Variants in ARHGAP17 observed in about 807,000 individuals in gnomAD.
ARHGAP17 encodes Rho GTPase activating protein 17.
A neutral mutation model predicts 99.5 loss-of-function variants in ARHGAP17; 57 were observed. The ratio of observed to expected loss-of-function variants is 0.57; its 90% CI spans 0.46 to 0.71. The LOEUF (loss-of-function observed/expected upper bound fraction) is 0.71. Among genes scored for constraint, ARHGAP17 ranks in the 30% least tolerant of loss-of-function variants. The pLI is 0.00. For synonymous variants in ARHGAP17, 417 were observed against 429.6 expected (o/e 0.97, Z 0.36); for missense variants, 1,000 against 1,122.4 (o/e 0.89, Z 1.56).
chr16:24,998,383 G>A (rs185368925), intron 1 of ARHGAP17, among the ~76,000 whole-genome samples: 283 of 152,100 alleles, frequency 1.9e-3, no homozygotes, highest in Non-Finnish European at 2.3e-3. Flanking sequence ...CCAGGACAGC[G>A]GCACAGGTGG....
chr16:24,954,411 T>C (rs2051741873), intron 10 of ARHGAP17, among the ~76,000 whole-genome samples, 192 bp downstream of exon 10: 2 of 152,222 alleles, frequency 1.3e-5, no homozygotes, highest in Admixed American at 1.3e-4. Context: ...CAGATAGGTA[T>C]CATAGGGAAC....
At chr16:25,005,717 C>T (rs527861437) in intron 1 of ARHGAP17, among the ~76,000 whole-genome samples, 87 of 152,168 alleles carry the variant, frequency 5.7e-4, no homozygotes, top group Non-Finnish European at 9.4e-4. Context: ...AGAGAAAACT[C>T]ATATAAAGAA....
At chr16:24,983,746 C>T (rs2052772667) in intron 1 of ARHGAP17, among the ~76,000 whole-genome samples, 1 of 152,156 alleles carries the variant, frequency 6.6e-6, no homozygotes, top group Non-Finnish European at 1.5e-5. Flanking sequence ...AAAAACAATA[C>T]GAATCAGGAA....
Position 24,968,658 on chromosome 16 carries a change from C to T in ARHGAP17, c.384+3G>A. The T allele has an allele frequency of 6.2e-7, 1 of 1,614,124 alleles. No individual in the cohort carries two copies. Among genetic ancestry groups the T allele is most frequent in the Non-Finnish European group, 8.5e-7 (1 of 1,179,956 alleles). ...CTTCCGTGCTGCACGGTGAAGCACC[C>T]ACCTCAGCTATGCCGTACAGAGGGT... On this transcript the variant is annotated splice_donor_region_variant and intron_variant, in intron 5 of 19. Coordinates refer to ENST00000289968, the MANE Select transcript of ARHGAP17 (RefSeq NM_001006634.3).
intron 1 of ARHGAP17, among the ~76,000 whole-genome samples, chr16:24,995,444 A>G (rs1415409233): frequency 6.6e-6 from 1 of 152,218 alleles, no homozygotes; most frequent in Non-Finnish European, 1.5e-5. Flanking sequence ...GTCAGGGAGA[A>G]GAGAGGGAAG....
At chr16:24,965,266 C>A (rs1209083279) in intron 6 of ARHGAP17, among the ~76,000 whole-genome samples, 1 of 152,148 alleles carries the variant, frequency 6.6e-6, no homozygotes, top group Non-Finnish European at 1.5e-5. Context: ...GTCAGGATAT[C>A]GAGACCATCT....
chr16:24,958,323 G>A (rs867926667), intron 9 of ARHGAP17, among the ~76,000 whole-genome samples: 1 of 152,146 alleles, frequency 6.6e-6, no homozygotes, highest in African/African-American at 2.4e-5. Context: ...CAGACTCTCA[G>A]CCATTCAAAG....
chr16:24,938,338 T>A lies in ARHGAP17; in HGVS notation c.1724+1026A>T, dbSNP rs549048564. On this transcript the variant is annotated intron_variant, in intron 17 of 19. Coordinates refer to ENST00000289968, the MANE Select transcript of ARHGAP17 (RefSeq NM_001006634.3). ...GAGATTGCACCACTGCACTCCAGCC[T>A]AGGCGACAGAGTGGGACTGTCTCAA... 2.0e-5 allele frequency among the ~76,000 whole-genome samples: 3 copies of A among 152,038 alleles called. No homozygotes were observed. The East Asian group carries it at 5.8e-4, about 29-fold the overall frequency.
chr16:24,994,033 G>A (rs1338864721), intron 1 of ARHGAP17, among the ~76,000 whole-genome samples: 2 of 152,198 alleles, frequency 1.3e-5, no homozygotes, highest in Non-Finnish European at 2.9e-5. Context: ...TCTGAATAAT[G>A]GTGGCTCCTC....
At chr16:24,923,284 A>G (rs1010012401) in intron 19 of ARHGAP17, among the ~76,000 whole-genome samples, 1 of 152,222 alleles carries the variant, frequency 6.6e-6, no homozygotes, top group South Asian at 2.1e-4. Context: ...TCAGTCTTAC[A>G]AACACTCTGG....
intron 7 of ARHGAP17, among the ~76,000 whole-genome samples, 180 bp from the exon 8 acceptor site, chr16:24,960,159 CA>C (rs1178405499): frequency 6.6e-6 from 1 of 152,140 alleles, no homozygotes; most frequent in African/African-American, 2.4e-5. Context: ...ACATGACTGA[CA>C]AAGAAAGATC....
chr16:25,001,525 C>T (rs114820283), intron 1 of ARHGAP17, among the ~76,000 whole-genome samples: 3,489 of 152,180 alleles, frequency 0.023, 114 homozygotes, highest in African/African-American at 0.077. Flanking sequence ...TGCCAAAACT[C>T]GCCTTTATAC....
chr16:24,920,049 C>A lies in ARHGAP17; in HGVS notation c.*81G>T, dbSNP rs1182566564. The A allele has an allele frequency of 1.3e-6, 2 of 1,555,600 alleles. No homozygotes were observed. The highest frequency in any genetic ancestry group is 2.3e-5 in the East Asian group (1 of 43,652). On this transcript the variant is annotated 3_prime_UTR_variant, in exon 20 of 20. Transcript: ENST00000289968. ...CCTCCACTGAAAGCTTTTCACTGTT[C>A]GGTCTGCAAAGAAAGAGGTTCGCCT...
chr16:24,929,154 C>CTT (rs77376064), intron 19 of ARHGAP17, among the ~76,000 whole-genome samples: 95 of 140,060 alleles, frequency 6.8e-4, no homozygotes, highest in African/African-American at 2.4e-3. Flanking sequence ...GAAGATATTC[C>CTT]TTTTTTTTTT....
intron 12 of ARHGAP17, among the ~76,000 whole-genome samples, chr16:24,950,836 C>CAAACAAAAAAAAAAAAAAAAAAA (rs1386246671): frequency 2.5e-5 from 1 of 39,444 alleles, no homozygotes. Context: ...GACTCCAACT[C>CAAACAAAAAAAAAAAAAAAAAAA]AAAAAAAAAA....
Position 24,954,490 on chromosome 16 carries a change from CA to C in ARHGAP17, c.852+112del, listed in dbSNP as rs2051744744. The C allele has an allele frequency of 2.8e-6, 4 of 1,425,618 alleles. No individual in the cohort carries two copies. The South Asian group carries it at 5.8e-5, about 21-fold the overall frequency. 88.3% of individuals were successfully genotyped at this position (1,425,618 alleles called of 1,614,324 possible). A position where few individuals can be genotyped will look rare whatever the true frequency, so the allele number is the denominator to read the frequency against. ...AAGCCACTGTTCTACACAAAACGGA[CA>C]ATGGCTGTATAACTAAGCAGGGGTG... On this transcript the variant is annotated intron_variant, in intron 10 of 19. Transcript: ENST00000289968.
At position 24,939,459 on chromosome 16, in the gene ARHGAP17, A is replaced by T; in HGVS notation, c.1629T>A (p.Pro543=). The T allele has an allele frequency of 6.2e-7, 1 of 1,611,302 alleles. No individual in the cohort carries two copies. The highest frequency in any genetic ancestry group is 8.5e-7 in the Non-Finnish European group (1 of 1,179,210). Residue 543 remains proline, a synonymous_variant, in exon 17 of 20, where the codon CCT becomes CCA. Transcript: ENST00000289968. Reference sequence around the variant, plus strand: ...TGCTTTCAGCCCTAGAGCTCTGGGGAGGGGGCTCTGGGCCAGCGGGCACCA... The same window carrying T: ...TGCTTTCAGCCCTAGAGCTCTGGGGTGGGGGCTCTGGGCCAGCGGGCACCA... ...STVVPAGPEP[P]PQSSRAESSS...
intron 1 of ARHGAP17, among the ~76,000 whole-genome samples, chr16:24,996,456 T>C (rs972088575): frequency 6.6e-6 from 1 of 152,210 alleles, no homozygotes; most frequent in African/African-American, 2.4e-5. Context: ...TATTGGTCTT[T>C]TGTTATCATC....
At position 24,939,416 on chromosome 16, in the gene ARHGAP17, C is replaced by G; in HGVS notation, c.1672G>C (p.Val558Leu). Residue 558 changes from valine to leucine, a missense_variant, in exon 17 of 20, where the codon GTC (valine) becomes CTC (leucine). Val to Leu is a conservative substitution (Grantham distance 32). Transcript: ENST00000289968. Reference sequence around the variant, plus strand: ...TCCAGTATGCCCGCGGAAGAGGGGACAGTCCCACCCCCAGAGCTGCTTTCA... The same window carrying G: ...TCCAGTATGCCCGCGGAAGAGGGGAGAGTCCCACCCCCAGAGCTGCTTTCA... ...RAESSSGGGT[V>L]PSSAGILEQG... 6.2e-7 allele frequency: 1 copy of G among 1,611,452 alleles called. No homozygotes were observed. The highest frequency in any genetic ancestry group is 8.5e-7 in the Non-Finnish European group (1 of 1,179,862).
Sources: allele counts gnomAD v4.1 joint callset (sites outside exome capture counted in the v4.1 genomes callset), GRCh38; gene constraint gnomAD v4.1.1; transcripts MANE v1.5; gene names NCBI Gene and HGNC (gene_info 2026-07-23, HGNC 2026-07-21).